Variants in DGKA observed in about 807,000 individuals in gnomAD.
DGKA encodes the protein 80 kDa diacylglycerol kinase.
Under a neutral mutation model 105.0 loss-of-function variants are expected in DGKA, and 35 were observed. The ratio of observed to expected loss-of-function variants is 0.33; its 90% confidence interval spans 0.25 to 0.44. DGKA has a LOEUF of 0.44. Ranked by LOEUF, DGKA falls within the 20% of genes least tolerant of loss-of-function variation. DGKA has a pLI of 1.00. For missense variants in DGKA, 665 were observed against 915.0 expected, an observed-to-expected ratio of 0.73 and a Z score of 3.53; for synonymous variants, 296 against 332.0, an observed-to-expected ratio of 0.89 and a Z score of 1.18.
Position 55,940,537 on chromosome 12 carries a change from C to T in DGKA, c.919-87C>T. Reference sequence around the variant, plus strand: ...CTTTACAGGCACAGTTGCCCCTGCTCCCAAGGGCTCTTTCCAGCCCAGACT... The same window carrying T: ...CTTTACAGGCACAGTTGCCCCTGCTTCCAAGGGCTCTTTCCAGCCCAGACT... On this transcript the variant is annotated intron_variant, in intron 11 of 23. Coordinates refer to ENST00000331886, the MANE Select transcript of DGKA (RefSeq NM_001345.5). This position sits in a 1 kb window ranked among gnomAD's most constrained non-coding sequence, Gnocchi z 4.3. 34 of 1,569,212 alleles carry T rather than the reference C, an allele frequency of 2.2e-5. No homozygotes were observed. The highest frequency in any genetic ancestry group is 2.9e-5 in the Non-Finnish European group (33 of 1,156,972).
intron 23 of DGKA, 100 bp from the exon 24 acceptor site, chr12:55,953,585 A>G: frequency 2.1e-6 from 3 of 1,407,600 alleles, no homozygotes; most frequent in Non-Finnish European, 3.0e-6. Context: ...CTAGGAACCT[A>G]GCAACCCACC....
upstream of DGKA, chr12:55,927,397 AG>A: frequency 1.4e-6 from 1 of 714,250 alleles, no homozygotes; most frequent in Non-Finnish European, 2.5e-6. Context: ...TCTCATCCCC[AG>A]GAACTCCTCG....
chr12:55,953,670 T>C lies in DGKA; in HGVS notation c.2125-15T>C. 3 of 1,612,338 alleles carry C rather than the reference T, an allele frequency of 1.9e-6. No homozygotes were observed. Among genetic ancestry groups the C allele is most frequent in the Non-Finnish European group, 2.5e-6 (3 of 1,178,440 alleles). ...TATCAGGTCCTGCCTCTGAATGTGC[T>C]CCCTTCCCTTCCAGATCAAGATCAC... is the stretch of plus-strand genomic sequence containing the variant. On this transcript the variant is annotated splice_polypyrimidine_tract_variant and intron_variant, in intron 23 of 23. Coordinates refer to ENST00000331886, the MANE Select transcript of DGKA (RefSeq NM_001345.5).
chr12:55,947,970 C>T (rs1242183127), intron 17 of DGKA, among the ~76,000 whole-genome samples: 1 of 151,914 alleles, frequency 6.6e-6, no homozygotes, highest in African/African-American at 2.4e-5. Context: ...TTTGTATTTT[C>T]GGTAGAGACG....
intron 2 of DGKA, 157 bp downstream of exon 2, chr12:55,936,724 G>A: frequency 9.0e-7 from 1 of 1,116,560 alleles, no homozygotes; most frequent in Non-Finnish European, 1.3e-6. Flanking sequence ...GTGGGAGATG[G>A]GGAGATGTCA....
At chr12:55,945,205 A>G (rs1886768745) in intron 17 of DGKA, among the ~76,000 whole-genome samples, 1 of 152,178 alleles carries the variant, frequency 6.6e-6, no homozygotes, top group African/African-American at 2.4e-5. Context: ...GGTTAGAAAT[A>G]CATGTCAGGA....
At position 55,932,618 on chromosome 12, in the gene DGKA, C is replaced by T. The variant is rs1162338992; in HGVS notation, c.-82+1274C>T. On this transcript the variant is annotated intron_variant, in intron 1 of 23. Coordinates refer to ENST00000331886, the MANE Select transcript of DGKA (RefSeq NM_001345.5). The surrounding 1 kb of genome is among the most constrained non-coding windows in gnomAD (Gnocchi z 4.3). Reference sequence around the variant, plus strand: ...ATATTACTGGGCATCTCTTCAGCCTCAGCACAGACAAGCCCACATCCCCCA... The same window carrying T: ...ATATTACTGGGCATCTCTTCAGCCTTAGCACAGACAAGCCCACATCCCCCA... 1 of 702,310 alleles carries T rather than the reference C, an allele frequency of 1.4e-6. No homozygotes were observed. Among genetic ancestry groups the T allele is most frequent in the Non-Finnish European group, 2.6e-6 (1 of 384,778 alleles). 43.5% of individuals were successfully genotyped at this position (702,310 alleles called of 1,614,324 possible).
At chr12:55,937,659 G>A in intron 4 of DGKA, 116 bp downstream of exon 4, 1 of 1,375,706 alleles carries the variant, frequency 7.3e-7, no homozygotes, top group South Asian at 1.3e-5. Flanking sequence ...GGAAATTGGT[G>A]GAGAATAGTC....
At chr12:55,942,298 G>A in intron 17 of DGKA, 35 bp downstream of exon 17, 2 of 1,603,100 alleles carry the variant, frequency 1.2e-6, no homozygotes, top group South Asian at 1.1e-5. Flanking sequence ...TGTAGGCTGA[G>A]AGGAGTTGTG....
At chr12:55,942,900 C>A (rs746974607) in intron 17 of DGKA, among the ~76,000 whole-genome samples, 40 of 152,004 alleles carry the variant, frequency 2.6e-4, no homozygotes, top group Non-Finnish European at 7.4e-5. Flanking sequence ...CTAAGGGCAG[C>A]GGAAGGCATT....
intron 17 of DGKA, among the ~76,000 whole-genome samples, chr12:55,947,984 C>T (rs1359009784): frequency 2.6e-5 from 4 of 152,020 alleles, no homozygotes. Flanking sequence ...AGAGACGAGG[C>T]TTCACCATGT....
At chr12:55,928,064 C>T (rs1264314840), upstream of DGKA, among the ~76,000 whole-genome samples, 1 of 152,168 alleles carries the variant, frequency 6.6e-6, no homozygotes, top group East Asian at 1.9e-4. Flanking sequence ...CTGCGCCGTA[C>T]CTCCCTATTC....
At chr12:55,931,635 T>C (rs772700) in intron 1 of DGKA, 128,028 of 152,478 alleles carry the variant, frequency 0.84, 54,045 homozygotes, top group African/African-American at 0.92. Flanking sequence ...GGGAGTTGGT[T>C]AGGGAAGTTC....
chr12:55,937,136 C>T, intron 3 of DGKA, 46 bp downstream of exon 3: 1 of 1,602,554 alleles, frequency 6.2e-7, no homozygotes, highest in Non-Finnish European at 8.6e-7. Context: ...CTCTTCCCAT[C>T]TTTGTTTTTG....
rs1287261176 is a variant in DGKA, at chr12:55,952,979, G to A, written c.1942+47G>A. The A allele has an allele frequency of 4.3e-6, 7 of 1,613,958 alleles. No homozygotes were observed. The highest frequency in any genetic ancestry group is 5.9e-6 in the Non-Finnish European group (7 of 1,179,946). ...GCTGAGTGGGCAGGACGAAGGGAAA[G>A]TGTGACTCCCTATGGGGATACCCTG... On this transcript the variant is annotated intron_variant, in intron 21 of 23. Coordinates refer to ENST00000331886, the MANE Select transcript of DGKA (RefSeq NM_001345.5). The surrounding 1 kb of genome is among the most constrained non-coding windows in gnomAD (Gnocchi z 5.1).
rs770748241 is a variant in DGKA, at chr12:55,941,244, C to A, written c.1102-8C>A. The A allele has an allele frequency of 6.2e-7, 1 of 1,609,200 alleles. No individual in the cohort carries two copies. Among genetic ancestry groups the A allele is most frequent in the South Asian group, 1.1e-5 (1 of 90,892 alleles). On this transcript the variant is annotated splice_polypyrimidine_tract_variant and splice_region_variant and intron_variant, in intron 13 of 23. Transcript: ENST00000331886. ...TTTCTTTGTCCTTATTTTCTTCCCC[C>A]AATGCAGATTGACCCTGTTCCTAAC...
chr12:55,942,022 T>C lies in DGKA; in HGVS notation c.1275T>C (p.Pro425=), dbSNP rs375142166. Reference sequence around the variant, plus strand: ...GGCTCCGATTATTCAAGGATGTTCCTGATAGCCGGATTTTGGTGTGTGGTG... The same window carrying C: ...GGCTCCGATTATTCAAGGATGTTCCCGATAGCCGGATTTTGGTGTGTGGTG... The part of the protein sequence containing the change: ...EIGLRLFKDV[P]DSRILVCGGD... The change falls in exon 16 of 24, where the codon CCT becomes CCC. Residue 425 remains proline, a synonymous_variant. Coordinates refer to ENST00000331886, the MANE Select transcript of DGKA (RefSeq NM_001345.5). The C allele has an allele frequency of 4.0e-5, 64 of 1,614,080 alleles. 1 individual carries two copies. The East Asian group carries it at 1.4e-3, about 35-fold the overall frequency.
At position 55,940,859 on chromosome 12, in the gene DGKA, A is replaced by G. The variant is rs1885800179; in HGVS notation, c.1018-38A>G. 6.2e-7 allele frequency: 1 copy of G among 1,608,528 alleles called. No homozygotes were observed. Among genetic ancestry groups the G allele is most frequent in the African/African-American group, 1.3e-5 (1 of 74,954 alleles). On this transcript the variant is annotated intron_variant, in intron 12 of 23. Coordinates refer to ENST00000331886, the MANE Select transcript of DGKA (RefSeq NM_001345.5). The surrounding 1 kb of genome is among the most constrained non-coding windows in gnomAD (Gnocchi z 4.3). ...CCCTCTATTTAGGGATTCATGCACAATACAGCTTTTCTTCCCTCTACTTTC... is the reference window on the plus strand; with the variant it reads ...CCCTCTATTTAGGGATTCATGCACAGTACAGCTTTTCTTCCCTCTACTTTC...
At chr12:55,951,998 G>T in intron 18 of DGKA, 37 bp from the exon 19 acceptor site, 1 of 1,611,462 alleles carries the variant, frequency 6.2e-7, no homozygotes, top group South Asian at 1.1e-5. Flanking sequence ...GGGAGAGATT[G>T]AGCTCTGTAC....
Sources: allele counts gnomAD v4.1 joint callset (sites outside exome capture counted in the v4.1 genomes callset), GRCh38; gene constraint gnomAD v4.1.1; non-coding constraint Gnocchi (gnomAD v3.1); transcripts MANE v1.5; gene names NCBI Gene and HGNC (gene_info 2026-07-23, HGNC 2026-07-21).